The following TANC2 variants were observed in gnomAD, a reference collection of about 807,000 sequenced individuals.
TANC2 encodes the protein tetratricopeptide repeat, ankyrin repeat and coiled-coil containing 2, also known as protein TANC2.
Under a neutral mutation model 210.5 loss-of-function variants are expected in TANC2, and 26 were observed. The ratio of observed to expected loss-of-function variants is 0.12; its 90% CI spans 0.09 to 0.17. TANC2 has a LOEUF of 0.17. Among genes scored for constraint, TANC2 ranks in the 10% least tolerant of loss-of-function variants. The probability of loss-of-function intolerance (pLI) is 1.00; values close to 1 mark genes in which losing one functional copy is unlikely to be tolerated. For synonymous variants in TANC2, 931 were observed against 967.1 expected, an observed-to-expected ratio of 0.96 and a Z score of 0.69; for missense variants, 2,129 against 2,608.9, an observed-to-expected ratio of 0.82 and a Z score of 4.01.
At chr17:63,422,855 G>C (rs2049059867) in exon 28 of TANC2, 1 of 152,174 alleles carries the variant, frequency 6.6e-6, no homozygotes, top group Admixed American at 6.5e-5. Context: ...CTGTTCTGGA[G>C]ACATCTACTT....
intron 5 of TANC2, among the ~76,000 whole-genome samples, chr17:63,156,067 T>G (rs1266332703): frequency 6.6e-6 from 1 of 152,164 alleles, no homozygotes. Context: ...TTATCCTAAA[T>G]AATTAACCAT....
At chr17:63,403,521 T>A (rs1157178706) in intron 19 of TANC2, among the ~76,000 whole-genome samples, 2 of 152,158 alleles carry the variant, frequency 1.3e-5, no homozygotes, top group Non-Finnish European at 2.9e-5. Flanking sequence ...AGAGGGAGCA[T>A]CACTTATATT....
chr17:62,980,223 C>G (rs986941971), intron 1 of TANC2, among the ~76,000 whole-genome samples: 8 of 152,164 alleles, frequency 5.3e-5, no homozygotes, highest in Admixed American at 5.2e-4. Context: ...GGTGGCTCCT[C>G]CTATTGGGAA....
chr17:63,224,483 T>G (rs2042278439), intron 7 of TANC2, among the ~76,000 whole-genome samples: 2 of 151,912 alleles, frequency 1.3e-5, no homozygotes, highest in Admixed American at 6.6e-5. Context: ...AACTCCTGAC[T>G]TCAGGTGATC....
Position 63,420,639 on chromosome 17 carries a change from G to A in TANC2, c.4909G>A (p.Val1637Ile), listed in dbSNP as rs1286069399. 1 of 1,613,764 alleles carries A rather than the reference G, an allele frequency of 6.2e-7. No individual in the cohort carries two copies. The highest frequency in any genetic ancestry group is 1.3e-5 in the African/African-American group (1 of 74,912). Residue 1637 changes from valine (V) to isoleucine (I), a missense_variant, in exon 28 of 28, where the codon GTC becomes ATC. This residue lies in a region of TANC2 where 584 missense variants were observed against 627.3 expected (regional missense o/e 0.93). Transcript: ENST00000689528. This position sits in a 1 kb window ranked among gnomAD's most constrained non-coding sequence, Gnocchi z 4.2. ...CAGCCCTCCAGCTGAAAGTATGAGT[G>A]TCTATAGATCCCAGTCTGGTTCACC...
intron 4 of TANC2, among the ~76,000 whole-genome samples, chr17:63,125,562 G>T (rs1043978092): frequency 2.0e-5 from 3 of 152,080 alleles, no homozygotes; most frequent in Non-Finnish European, 4.4e-5. Flanking sequence ...CTGTCAAATG[G>T]ATACTGGTGG....
At chr17:63,296,889 A>T (rs1238482237) in intron 9 of TANC2, among the ~76,000 whole-genome samples, 1 of 152,172 alleles carries the variant, frequency 6.6e-6, no homozygotes, top group African/African-American at 2.4e-5. Flanking sequence ...GAAAGAAAAA[A>T]GAATATGGAA....
chr17:63,377,757 C>T (rs1382118707), intron 14 of TANC2, among the ~76,000 whole-genome samples: 1 of 152,164 alleles, frequency 6.6e-6, no homozygotes, highest in Non-Finnish European at 1.5e-5. Context: ...CTGTATTAGT[C>T]CATTCTCACA....
chr17:63,241,546 C>T (rs1161511308), intron 8 of TANC2, among the ~76,000 whole-genome samples: 2 of 152,164 alleles, frequency 1.3e-5, no homozygotes, highest in Non-Finnish European at 2.9e-5. Context: ...GGCTACTTTG[C>T]TCTACCACAA....
chr17:62,974,271 C>CA (rs2143294072), intron 1 of TANC2, among the ~76,000 whole-genome samples: 1 of 152,302 alleles, frequency 6.6e-6, no homozygotes, highest in Non-Finnish European at 1.5e-5. Flanking sequence ...AAGACTCTCA[C>CA]AAAGTGTGTT....
chr17:62,990,455 TA>T (rs1422169585), intron 1 of TANC2, among the ~76,000 whole-genome samples: 162 of 151,420 alleles, frequency 1.1e-3, no homozygotes, highest in African/African-American at 3.7e-3. Flanking sequence ...GTTTTTTTTT[TA>T]AAATTTTCTG....
At chr17:63,345,158 C>A (rs2046359383) in intron 12 of TANC2, among the ~76,000 whole-genome samples, 1 of 151,848 alleles carries the variant, frequency 6.6e-6, no homozygotes, top group Admixed American at 6.6e-5. Flanking sequence ...TCAGTGGCAC[C>A]AAAAAATATA....
intron 2 of TANC2, among the ~76,000 whole-genome samples, chr17:63,064,726 T>G (rs947930682): frequency 3.9e-5 from 6 of 152,282 alleles, no homozygotes; most frequent in Admixed American, 3.9e-4. Flanking sequence ...TCTATTAATC[T>G]TTATATACTG....
exon 20 of TANC2, chr17:63,405,199 C>A (rs1221689321): frequency 6.2e-7 from 1 of 1,610,750 alleles, no homozygotes; most frequent in African/African-American, 1.3e-5. Flanking sequence ...AGTGGCCCAG[C>A]CAAACCGCCG....
intron 2 of TANC2, among the ~76,000 whole-genome samples, chr17:63,040,510 AAGCCAC>A (rs939684909): frequency 6.6e-6 from 1 of 152,122 alleles, no homozygotes; most frequent in Non-Finnish European, 1.5e-5. Flanking sequence ...ATGTTTACTT[AAGCCAC>A]ACCCAGCAGA....
At chr17:63,019,039 T>C (rs144893633) in intron 2 of TANC2, among the ~76,000 whole-genome samples, 73 of 152,308 alleles carry the variant, frequency 4.8e-4, no homozygotes, top group African/African-American at 1.8e-3. Flanking sequence ...ACATAATTTT[T>C]TATTTCTCTA....
At chr17:63,359,864 A>G (rs1466440336) in intron 14 of TANC2, among the ~76,000 whole-genome samples, 2 of 152,224 alleles carry the variant, frequency 1.3e-5, no homozygotes, top group Non-Finnish European at 2.9e-5. Context: ...AATCCTACCT[A>G]TACCATGGGA....
At chr17:62,974,777 T>G (rs1039432879) in intron 1 of TANC2, among the ~76,000 whole-genome samples, 1 of 152,266 alleles carries the variant, frequency 6.6e-6, no homozygotes, top group Non-Finnish European at 1.5e-5. Context: ...TGATAGATTT[T>G]ACTGTTTTCT....
intron 4 of TANC2, among the ~76,000 whole-genome samples, chr17:63,135,742 GACAA>G (rs1349817183): frequency 2.0e-5 from 3 of 152,100 alleles, no homozygotes; most frequent in Non-Finnish European, 4.4e-5. Flanking sequence ...AAGTTGGTCT[GACAA>G]ACAGTTAGAA....
Sources: gnomAD v4.1 joint callset for allele counts (sites outside exome capture counted in the v4.1 genomes callset) on GRCh38, gnomAD v4.1.1 for gene constraint, gnomAD v4.1.1 regional missense constraint, Gnocchi (gnomAD v3.1) non-coding constraint, MANE v1.5 for transcripts, NCBI Gene and HGNC (gene_info 2026-07-23, HGNC 2026-07-21) for gene names.